Variants in HLCS observed in about 807,000 individuals in gnomAD.
The protein encoded by HLCS is holocarboxylase synthetase, also known as biotin--protein ligase.
Under a neutral mutation model 75.0 loss-of-function variants are expected in HLCS, and 53 were observed. That is an observed-to-expected ratio of 0.71 (90% CI 0.57 to 0.89). HLCS has a LOEUF of 0.89. HLCS is among the 40% of genes least tolerant of loss of function. The pLI, the probability that HLCS is intolerant of heterozygous loss-of-function variation, is 0.00. For synonymous variants in HLCS, 431 were observed against 428.6 expected, an observed-to-expected ratio of 1.01 and a Z score of -0.07; for missense variants, 966 against 1,074.0, an observed-to-expected ratio of 0.90 and a Z score of 1.41.
intron 8 of HLCS, among the ~76,000 whole-genome samples, chr21:36,760,192 T>C (rs2089776813): frequency 6.6e-6 from 1 of 152,164 alleles, no homozygotes; most frequent in Non-Finnish European, 1.5e-5. Context: ...ACTAACGTGC[T>C]AGGGCCAGAG....
chr21:36,942,496 G>T (rs1361904041), intron 2 of HLCS, among the ~76,000 whole-genome samples: 1 of 146,578 alleles, frequency 6.8e-6, no homozygotes, highest in Non-Finnish European at 1.5e-5. Context: ...CTGGATCAAA[G>T]ACCTCAATAT....
chr21:36,891,430 C>T (rs1437801742), intron 6 of HLCS, among the ~76,000 whole-genome samples: 3 of 152,310 alleles, frequency 2.0e-5, no homozygotes, highest in East Asian at 1.9e-4. Context: ...GGAACCGGTA[C>T]CTGAACCGGG....
chr21:36,784,717 A>G (rs2060636747), intron 6 of HLCS, among the ~76,000 whole-genome samples: 1 of 152,098 alleles, frequency 6.6e-6, no homozygotes, highest in African/African-American at 2.4e-5. Flanking sequence ...TAACATCAAA[A>G]TGGGGTTCTT....
At chr21:36,897,596 G>A (rs779684412) in intron 5 of HLCS, among the ~76,000 whole-genome samples, 3 of 152,092 alleles carry the variant, frequency 2.0e-5, no homozygotes, top group East Asian at 1.9e-4. Context: ...AAGAACACTC[G>A]GTCTCAGCCT....
Position 36,962,369 on chromosome 21 carries a change from C to T in HLCS, c.196-199G>A, listed in dbSNP as rs75380795. Among the ~76,000 whole-genome samples, 650 of 152,262 alleles carry T rather than the reference C, an allele frequency of 4.3e-3. 1 individual carries two copies. The highest frequency in any genetic ancestry group is 0.014 in the African/African-American group (593 of 41,558). ...TGTTTAAGCACCTGCAAAAGCCCATCGATGACTCAGGACAGCTTTAATATC... is the reference window on the plus strand; with the variant it reads ...TGTTTAAGCACCTGCAAAAGCCCATTGATGACTCAGGACAGCTTTAATATC... On this transcript the variant is annotated intron_variant, in intron 1 of 10. Coordinates refer to ENST00000674895, the MANE Select transcript of HLCS (RefSeq NM_001352514.2).
chr21:36,877,050 C>T (rs2064008406), intron 6 of HLCS, among the ~76,000 whole-genome samples: 1 of 152,168 alleles, frequency 6.6e-6, no homozygotes, highest in South Asian at 2.1e-4. Context: ...ATTTTGTCTG[C>T]TGCTTAAAAA....
chr21:36,820,349 A>AGCT (rs1044732189), intron 6 of HLCS, among the ~76,000 whole-genome samples: 1 of 152,182 alleles, frequency 6.6e-6, no homozygotes, highest in Non-Finnish European at 1.5e-5. Flanking sequence ...TCCCAGGCGC[A>AGCT]GCTGCTGCTG....
At chr21:36,790,288 C>T (rs1450429528) in intron 6 of HLCS, among the ~76,000 whole-genome samples, 1 of 152,124 alleles carries the variant, frequency 6.6e-6, no homozygotes, top group African/African-American at 2.4e-5. Flanking sequence ...CCTGTAATCC[C>T]AGCTACTCAG....
upstream of HLCS, chr21:36,968,489 A>G (rs1268654922): frequency 6.6e-6 from 1 of 150,814 alleles, no homozygotes; most frequent in African/African-American, 2.4e-5. Flanking sequence ...ATCTCTGTGG[A>G]CCAGAAATAG....
At chr21:36,958,798 A>G (rs2068114531) in intron 2 of HLCS, among the ~76,000 whole-genome samples, 1 of 152,226 alleles carries the variant, frequency 6.6e-6, no homozygotes, top group African/African-American at 2.4e-5. Flanking sequence ...CCAAAAAAAA[A>G]AGAAAGAAAA....
intron 6 of HLCS, among the ~76,000 whole-genome samples, chr21:36,886,918 G>A (rs2064492599): frequency 6.6e-6 from 1 of 152,148 alleles, no homozygotes; most frequent in Admixed American, 6.5e-5. Context: ...TTTGAGGTCA[G>A]GGGTTCGAGA....
chr21:36,840,758 G>A (rs56257944), intron 6 of HLCS, among the ~76,000 whole-genome samples: 5,518 of 151,976 alleles, frequency 0.036, 144 homozygotes, highest in African/African-American at 0.074. Context: ...GATTACAGGC[G>A]CCCACCACCA....
chr21:36,917,730 C>T (rs1569190209), intron 5 of HLCS, among the ~76,000 whole-genome samples: 1 of 152,032 alleles, frequency 6.6e-6, no homozygotes, highest in Non-Finnish European at 1.5e-5. Context: ...TGAGCTCAGC[C>T]TCACCATTCT....
At chr21:36,941,880 G>A (rs1176557107) in intron 2 of HLCS, among the ~76,000 whole-genome samples, 4 of 152,130 alleles carry the variant, frequency 2.6e-5, no homozygotes, top group Admixed American at 2.0e-4. Context: ...GCTGGCGGGT[G>A]CCTGTAATCC....
At chr21:36,822,163 T>C (rs973331264) in intron 6 of HLCS, among the ~76,000 whole-genome samples, 5 of 152,200 alleles carry the variant, frequency 3.3e-5, no homozygotes, top group African/African-American at 1.2e-4. Context: ...GGCTCACACC[T>C]GTAATCCCAG....
At chr21:36,859,290 G>A (rs564515735) in intron 6 of HLCS, among the ~76,000 whole-genome samples, 1 of 152,288 alleles carries the variant, frequency 6.6e-6, no homozygotes, top group African/African-American at 2.4e-5. Flanking sequence ...CAAAGTGCTG[G>A]GATTACAGGC....
chr21:36,797,965 T>C (rs970483331), intron 6 of HLCS, among the ~76,000 whole-genome samples: 1 of 151,838 alleles, frequency 6.6e-6, no homozygotes, highest in Non-Finnish European at 1.5e-5. Context: ...CAGACACAAA[T>C]ATTGGGTTGT....
At chr21:36,815,935 G>A (rs2061651571) in intron 6 of HLCS, among the ~76,000 whole-genome samples, 1 of 152,120 alleles carries the variant, frequency 6.6e-6, no homozygotes, top group South Asian at 2.1e-4. Flanking sequence ...TCCCACCCAG[G>A]AAATTCCACT....
chr21:36,933,571 AAC>A (rs1277848785), intron 4 of HLCS, among the ~76,000 whole-genome samples: 36 of 144,896 alleles, frequency 2.5e-4, no homozygotes, highest in Non-Finnish European at 3.8e-4. Context: ...AAAAAAAAAA[AAC>A]AATCTGTATC....
Sources: gnomAD v4.1 joint callset for allele counts (sites outside exome capture counted in the v4.1 genomes callset) on GRCh38, gnomAD v4.1.1 for gene constraint, MANE v1.5 for transcripts, NCBI Gene and HGNC (gene_info 2026-07-23, HGNC 2026-07-21) for gene names.